Variants in TRPM1 observed in about 807,000 individuals in gnomAD.
TRPM1 encodes TRPM1-203 APA Isoform, Intron 10.
Under a neutral mutation model 149.4 loss-of-function variants are expected in TRPM1, and 113 were observed. The observed-to-expected ratio is 0.76, with a 90% CI of 0.65 to 0.88. The LOEUF (loss-of-function observed/expected upper bound fraction) is 0.88. Ranked by LOEUF, TRPM1 falls within the 40% of genes least tolerant of loss-of-function variation. The probability of loss-of-function intolerance (pLI) is 0.00; values close to 1 mark genes in which losing one functional copy is unlikely to be tolerated. For missense variants in TRPM1, 1,976 were observed against 2,038.7 expected, an observed-to-expected ratio of 0.97 and a Z score of 0.59; for synonymous variants, 741 against 759.5, an observed-to-expected ratio of 0.98 and a Z score of 0.40.
chr15:31,130,977 G>A (rs2036009097), intron 1 of TRPM1, among the ~76,000 whole-genome samples: 1 of 152,330 alleles, frequency 6.6e-6, no homozygotes, highest in South Asian at 2.1e-4. Flanking sequence ...AGGGCAAGGA[G>A]AATCCGTTGG....
chr15:31,044,560 A>G (rs925138484), intron 16 of TRPM1, among the ~76,000 whole-genome samples: 3 of 152,086 alleles, frequency 2.0e-5, no homozygotes, highest in African/African-American at 7.2e-5. Flanking sequence ...ATCACCTGAG[A>G]ATCTGAGATC....
intron 1 of TRPM1, among the ~76,000 whole-genome samples, chr15:31,132,091 T>C (rs562613185): frequency 2.0e-5 from 3 of 152,360 alleles, no homozygotes; most frequent in African/African-American, 7.2e-5. Flanking sequence ...CGCCGTGTTC[T>C]GGGCCATTAC....
chr15:31,102,549 T>C (rs1242740915), upstream of TRPM1, among the ~76,000 whole-genome samples: 1 of 152,126 alleles, frequency 6.6e-6, no homozygotes, highest in Non-Finnish European at 1.5e-5. Flanking sequence ...CTGAGTCATG[T>C]GAGAGGGTGG....
upstream of TRPM1, among the ~76,000 whole-genome samples, chr15:31,105,435 CTGTGTGTG>C (rs10525947): frequency 6.7e-3 from 997 of 148,672 alleles, 10 homozygotes; most frequent in African/African-American, 0.012. Context: ...CTGTGTGTCT[CTGTGTGTG>C]TGTGTGTGTG....
rs2034203464 is a variant in TRPM1, at chr15:31,060,582, CTA to C, written c.1223_1224del (p.Ile408SerfsTer62). On this transcript the variant is annotated frameshift_variant, in exon 11 of 28. Transcript: ENST00000256552. LOFTEE classifies it high-confidence loss of function. The stretch of plus-strand genomic sequence containing the variant: ...CCAAAGACAAAGATCTGGCTTCGTG[CTA>C]TGTCCACGCGGTTCCAAGCCAGTGC... Reference protein sequence around the residue: ...SLALAWNRVDIARSQIFVFGP... With the variant: ...SLALAWNRVDXARSQIFVFGP... 1.2e-6 allele frequency: 2 copies of C among 1,614,114 alleles called. No homozygotes were observed. Among genetic ancestry groups the C allele is most frequent in the South Asian group, 2.2e-5 (2 of 91,086 alleles).
chr15:31,076,108 A>G (rs373759899), intron 3 of TRPM1, among the ~76,000 whole-genome samples: 1 of 144,264 alleles, frequency 6.9e-6, no homozygotes, highest in African/African-American at 2.4e-5. Flanking sequence ...GCATTGTTTC[A>G]TAATGGCATT....
exon 1 of TRPM1, chr15:31,160,964 C>T: frequency 1.3e-6 from 2 of 1,535,506 alleles, no homozygotes; most frequent in Non-Finnish European, 8.7e-7. Flanking sequence ...GCTCATCTCT[C>T]TCAGTGAGCC....
chr15:31,071,298 G>A (rs2034529987), intron 3 of TRPM1, among the ~76,000 whole-genome samples: 1 of 152,178 alleles, frequency 6.6e-6, no homozygotes, highest in Admixed American at 6.5e-5. Context: ...GACCCAGCAG[G>A]AGCCTGTGTG....
intron 16 of TRPM1, among the ~76,000 whole-genome samples, chr15:31,042,724 C>G (rs1395991801): frequency 6.6e-6 from 1 of 152,142 alleles, no homozygotes; most frequent in Non-Finnish European, 1.5e-5. Flanking sequence ...TTTAGGTTTC[C>G]CTCCAGTGTT....
At chr15:31,041,396 C>G (rs541169052) in intron 17 of TRPM1, among the ~76,000 whole-genome samples, 6 of 152,118 alleles carry the variant, frequency 3.9e-5, no homozygotes, top group Non-Finnish European at 7.3e-5. Flanking sequence ...GTGATCCGCC[C>G]ACCTCGGCCT....
intron 1 of TRPM1, among the ~76,000 whole-genome samples, chr15:31,124,491 T>C (rs1261810360): frequency 2.1e-5 from 3 of 141,240 alleles, no homozygotes; most frequent in Admixed American, 7.2e-5. Flanking sequence ...TTCTCTCTAC[T>C]AAAAATTCAA....
At chr15:31,056,297 C>T (rs1410767408) in intron 11 of TRPM1, among the ~76,000 whole-genome samples, 1 of 152,178 alleles carries the variant, frequency 6.6e-6, no homozygotes, top group Non-Finnish European at 1.5e-5. Context: ...TTCAGGTCTT[C>T]AGCATAAAGG....
intron 1 of TRPM1, among the ~76,000 whole-genome samples, chr15:31,088,951 G>C (rs899069481): frequency 1.3e-5 from 2 of 152,214 alleles, no homozygotes; most frequent in African/African-American, 4.8e-5. Context: ...TGGCGCCTCT[G>C]TGAGGCAGTG....
upstream of TRPM1, among the ~76,000 whole-genome samples, chr15:31,104,796 G>A (rs28510189): frequency 0.021 from 3,232 of 151,944 alleles, 107 homozygotes; most frequent in African/African-American, 0.075. Flanking sequence ...GGGTTTCACC[G>A]TGTTGGCCAG....
At chr15:31,104,221 G>A (rs1482986150), upstream of TRPM1, among the ~76,000 whole-genome samples, 1 of 152,164 alleles carries the variant, frequency 6.6e-6, no homozygotes, top group African/African-American at 2.4e-5. Flanking sequence ...ATAAGAGGCC[G>A]GCTGGCGGTC....
intron 3 of TRPM1, 91 bp downstream of exon 3, chr15:31,076,814 C>T: frequency 1.9e-6 from 2 of 1,041,012 alleles, no homozygotes; most frequent in Non-Finnish European, 3.0e-6. Flanking sequence ...GGCCACCCTT[C>T]TGGACTCCTC....
chr15:31,071,982 T>A lies in TRPM1; in HGVS notation c.84-1756A>T, dbSNP rs1450044259. On this transcript the variant is annotated intron_variant, in intron 3 of 27. Coordinates refer to ENST00000256552, the MANE Select transcript of TRPM1 (RefSeq NM_001252024.2). ...CCGTCTCAAAAAAAAAAAAAAAACA[T>A]ATATATATATATATATATATATATA... Among the ~76,000 whole-genome samples the A allele has an allele frequency of 7.1e-4, 48 of 67,134 alleles. 2 individuals are homozygous for A. Among genetic ancestry groups the A allele is most frequent in the African/African-American group, 8.8e-4 (11 of 12,500 alleles). 44.0% of individuals were successfully genotyped at this position (67,134 alleles called of 152,430 possible). A position where few individuals can be genotyped will look rare whatever the true frequency, so the allele number is the denominator to read the frequency against.
intron 25 of TRPM1, 101 bp downstream of exon 25, chr15:31,028,231 T>C: frequency 4.0e-6 from 6 of 1,492,724 alleles, no homozygotes; most frequent in Non-Finnish European, 5.6e-6. Flanking sequence ...CTAATGAAAT[T>C]ATCTGCAAAT....
chr15:31,070,172 T>C lies in TRPM1; in HGVS notation c.138A>G (p.Thr46=), dbSNP rs746438895. The C allele has an allele frequency of 6.2e-7, 1 of 1,614,124 alleles. No individual in the cohort carries two copies. Among genetic ancestry groups the C allele is most frequent in the Non-Finnish European group, 8.5e-7 (1 of 1,179,982 alleles). Residue 46 remains threonine, a synonymous_variant, in exon 4 of 28, where the codon ACA becomes ACG. Transcript: ENST00000256552. The part of the protein sequence containing the change: ...NQHIPPLPSA[T]PSKNEEESKQ... ...TGCTTTCCTCTTCATTTTTGCTGGG[T>C]GTTGCACTTGGCAGAGGGGGGATAT...
Sources: allele counts gnomAD v4.1 joint callset (sites outside exome capture counted in the v4.1 genomes callset), GRCh38; gene constraint gnomAD v4.1.1; transcripts MANE v1.5; gene names NCBI Gene and HGNC (gene_info 2026-07-23, HGNC 2026-07-21).